The following MAP7 variants were observed in gnomAD, a reference collection of about 807,000 sequenced individuals.
MAP7 encodes microtubule associated protein 7, also known as ensconsin.
Under a neutral mutation model 94.8 loss-of-function variants are expected in MAP7, and 52 were observed. The observed-to-expected ratio is 0.55, with a 90% CI of 0.44 to 0.69. The LOEUF (loss-of-function observed/expected upper bound fraction) is 0.69. Ranked by LOEUF, MAP7 falls within the 30% of genes least tolerant of loss-of-function variation. MAP7 has a pLI of 0.00. For missense variants in MAP7, 940 were observed against 964.6 expected, an observed-to-expected ratio of 0.97 and a Z score of 0.34; for synonymous variants, 350 against 357.0, an observed-to-expected ratio of 0.98 and a Z score of 0.22.
chr6:136,411,535 T>C, intron 3 of MAP7, 85 bp downstream of exon 3: 1 of 1,152,228 alleles, frequency 8.7e-7, no homozygotes, highest in Non-Finnish European at 1.2e-6. Context: ...AGTCCATCTG[T>C]AAAATTCATA....
chr6:136,497,596 C>T (rs907046507), intron 1 of MAP7, among the ~76,000 whole-genome samples: 17 of 151,030 alleles, frequency 1.1e-4, no homozygotes, highest in Admixed American at 4.0e-4. Flanking sequence ...GTCAGGAGTT[C>T]GAGACCAGCC....
At chr6:136,429,102 G>C (rs1794145625) in intron 1 of MAP7, among the ~76,000 whole-genome samples, 1 of 152,050 alleles carries the variant, frequency 6.6e-6, no homozygotes, top group African/African-American at 2.4e-5. Flanking sequence ...CATTTGTTCA[G>C]TGTCACATAT....
At position 136,467,244 on chromosome 6, in the gene MAP7, T is replaced by G. The variant is rs113560725; in HGVS notation, c.68-45445A>C. On this transcript the variant is annotated intron_variant, in intron 1 of 17. Coordinates refer to ENST00000354570, the MANE Select transcript of MAP7 (RefSeq NM_003980.6). ...TACTATTTCTCCAGACTGTCTGTCT[T>G]TGGGCTTCCTGATGCATTAACAGTG... Among the ~76,000 whole-genome samples the G allele has an allele frequency of 3.2e-4, 48 of 152,312 alleles. 1 individual carries two copies. Among genetic ancestry groups the G allele is most frequent in the African/African-American group, 1.1e-3 (46 of 41,560 alleles).
Position 136,365,754 on chromosome 6 carries a change from A to G in MAP7, c.1254T>C (p.Ala418=). The G allele has an allele frequency of 1.9e-6, 3 of 1,613,924 alleles. No homozygotes were observed. The highest frequency in any genetic ancestry group is 2.5e-6 in the Non-Finnish European group (3 of 1,179,918). The change falls in exon 10 of 18, where the codon GCT becomes GCC. Residue 418 remains alanine (A), a synonymous_variant. Coordinates refer to ENST00000354570, the MANE Select transcript of MAP7 (RefSeq NM_003980.6). ...TCTTACCAGGGCCAACTTCTGGTTC[A>G]GCAGGTGTCCGCTCTTCAACTGTGG... ...EEATVEERTP[A]EPEVGPAAPA...
At chr6:136,394,718 C>A (rs1344508508) in intron 3 of MAP7, among the ~76,000 whole-genome samples, 2 of 150,658 alleles carry the variant, frequency 1.3e-5, no homozygotes, top group Admixed American at 1.3e-4. Context: ...TCTTTAACCT[C>A]CCCCCCACCT....
chr6:136,526,166 C>T, intron 1 of MAP7: 1 of 1,293,850 alleles, frequency 7.7e-7, no homozygotes, highest in East Asian at 3.3e-5. Context: ...TGCAGTTCCC[C>T]TCACCTAGCA....
At position 136,377,758 on chromosome 6, in the gene MAP7, C is replaced by T; in HGVS notation, c.748G>A (p.Ala250Thr). ...SKSTAALSGEAASCSPIIMPY... is the reference protein window; with the variant it reads ...SKSTAALSGETASCSPIIMPY... ...AGTTCCACCTGGACAGTTTTACCTG[C>T]TTCTCCAGACAAGGCAGCTGTGCTT... The change falls in exon 7 of 18, where the codon GCA becomes ACA. Residue 250 changes from alanine to threonine, a missense_variant. By Grantham distance (58) the Ala-to-Thr change is moderately conservative. Transcript: ENST00000354570. The T allele has an allele frequency of 6.2e-7, 1 of 1,613,666 alleles. No homozygotes were observed. Among genetic ancestry groups the T allele is most frequent in the Non-Finnish European group, 8.5e-7 (1 of 1,179,580 alleles).
chr6:136,379,743 C>T (rs1475412205), intron 6 of MAP7, among the ~76,000 whole-genome samples: 8 of 152,188 alleles, frequency 5.3e-5, no homozygotes, highest in Non-Finnish European at 1.0e-4. Flanking sequence ...AGTTCAGTTA[C>T]TTTATTTCCA....
intron 7 of MAP7, among the ~76,000 whole-genome samples, chr6:136,373,214 TTG>T (rs1775092809): frequency 6.6e-6 from 1 of 152,216 alleles, no homozygotes; most frequent in African/African-American, 2.4e-5. Flanking sequence ...GTGTTAAGAC[TTG>T]TCACGAGGAT....
rs572233701 is a variant in MAP7, at chr6:136,434,894, C to G, written c.68-13095G>C. Reference sequence around the variant, plus strand: ...GTGGCCCATCAGGGAGCATTCATAGCTGCAGAGTCCACAGACTGCAATTTA... The same window carrying G: ...GTGGCCCATCAGGGAGCATTCATAGGTGCAGAGTCCACAGACTGCAATTTA... On this transcript the variant is annotated intron_variant, in intron 1 of 17. Coordinates refer to ENST00000354570, the MANE Select transcript of MAP7 (RefSeq NM_003980.6). Among the ~76,000 whole-genome samples the G allele has an allele frequency of 3.9e-5, 6 of 152,328 alleles. No individual in the cohort carries two copies. In the South Asian group the frequency reaches 1.2e-3, roughly 32 times the overall value.
At chr6:136,369,655 C>T (rs1795121761) in intron 8 of MAP7, among the ~76,000 whole-genome samples, 4 of 151,896 alleles carry the variant, frequency 2.6e-5, no homozygotes, top group Admixed American at 2.6e-4. Flanking sequence ...AAGCTAACAC[C>T]ACTCAATGAA....
intron 2 of MAP7, among the ~76,000 whole-genome samples, chr6:136,412,775 C>G (rs1787904533): frequency 6.6e-6 from 1 of 152,128 alleles, no homozygotes; most frequent in Non-Finnish European, 1.5e-5. Flanking sequence ...GGTTTACAGG[C>G]TCACTCTGCT....
intron 15 of MAP7, 84 bp downstream of exon 15, chr6:136,359,736 A>G (rs1210837871): frequency 1.5e-6 from 2 of 1,316,378 alleles, no homozygotes; most frequent in East Asian, 2.3e-5. Flanking sequence ...TTTTCCCTCC[A>G]TCAATTCCTG....
intron 3 of MAP7, among the ~76,000 whole-genome samples, chr6:136,395,440 G>A (rs1374138933): frequency 8.8e-6 from 1 of 113,060 alleles, no homozygotes; most frequent in Non-Finnish European, 1.8e-5. Flanking sequence ...GCACTATTGA[G>A]TTCCTTACAT....
At chr6:136,470,542 T>C (rs1808622699) in intron 1 of MAP7, among the ~76,000 whole-genome samples, 2 of 152,200 alleles carry the variant, frequency 1.3e-5, no homozygotes, top group African/African-American at 4.8e-5. Context: ...TTAATGATAG[T>C]TACCATGCTG....
chr6:136,486,606 T>G (rs2128979192), intron 1 of MAP7, among the ~76,000 whole-genome samples: 1 of 152,328 alleles, frequency 6.6e-6, no homozygotes, highest in South Asian at 2.1e-4. Flanking sequence ...CTAGTTAGAT[T>G]CTGCAGGCTG....
intron 1 of MAP7, among the ~76,000 whole-genome samples, chr6:136,435,140 T>C (rs577121697): frequency 8.5e-5 from 13 of 152,194 alleles, no homozygotes; most frequent in Non-Finnish European, 7.4e-5. Context: ...CACTTGGGGG[T>C]TGGTGCCTAC....
chr6:136,506,475 C>G (rs1326626537), intron 1 of MAP7, among the ~76,000 whole-genome samples: 1 of 152,022 alleles, frequency 6.6e-6, no homozygotes. Context: ...TTAGATAATT[C>G]AGGATATTTT....
rs574607639 is a variant in MAP7, at chr6:136,425,257, G to A, written c.68-3458C>T. 5.3e-5 allele frequency among the ~76,000 whole-genome samples: 8 copies of A among 152,296 alleles called. No homozygotes were observed. The South Asian group carries it at 1.2e-3, about 24-fold the overall frequency. On this transcript the variant is annotated intron_variant, in intron 1 of 17. Coordinates refer to ENST00000354570, the MANE Select transcript of MAP7 (RefSeq NM_003980.6). ...TAATATTTTTGGACTACAACTGACC[G>A]TAACTGAAACCTCAAAAAGCGAAAT... is the stretch of plus-strand genomic sequence containing the variant.
Sources: allele counts gnomAD v4.1 joint callset (sites outside exome capture counted in the v4.1 genomes callset), GRCh38; gene constraint gnomAD v4.1.1; transcripts MANE v1.5; gene names NCBI Gene and HGNC (gene_info 2026-07-23, HGNC 2026-07-21).